The following CCBE1 variants were observed in gnomAD, a reference collection of about 807,000 sequenced individuals.
CCBE1 encodes collagen and calcium-binding EGF domain-containing protein 1.
A neutral mutation model predicts 50.0 loss-of-function variants in CCBE1; 37 were observed. The observed-to-expected ratio is 0.74, with a 90% CI of 0.57 to 0.97. The LOEUF (loss-of-function observed/expected upper bound fraction) is 0.97, where lower values mean the gene tolerates loss of function less well. Among genes scored for constraint, CCBE1 ranks in the 50% least tolerant of loss-of-function variants. The pLI is 0.00. For missense variants in CCBE1, 538 were observed against 523.8 expected (o/e 1.03, Z -0.26); for synonymous variants, 234 against 203.7 (o/e 1.15, Z -1.27).
chr18:59,578,963 G>T (rs1176409769), intron 2 of CCBE1, among the ~76,000 whole-genome samples: 1 of 152,054 alleles, frequency 6.6e-6, no homozygotes, highest in East Asian at 1.9e-4. Context: ...TTTTAAAAAA[G>T]ATACTTTTTA....
intron 2 of CCBE1, among the ~76,000 whole-genome samples, chr18:59,692,257 C>T (rs993796426): frequency 1.8e-4 from 28 of 152,118 alleles, no homozygotes; most frequent in African/African-American, 6.3e-4. Context: ...CATAGCACTT[C>T]CTATGTGTCG....
intron 2 of CCBE1, among the ~76,000 whole-genome samples, chr18:59,571,583 C>A (rs955565027): frequency 2.0e-5 from 3 of 152,026 alleles, no homozygotes; most frequent in Non-Finnish European, 4.4e-5. Flanking sequence ...ATGTAACAAA[C>A]CTGCACGTTG....
chr18:59,531,798 G>A (rs1241865368), intron 2 of CCBE1, among the ~76,000 whole-genome samples: 1 of 152,118 alleles, frequency 6.6e-6, no homozygotes, highest in Non-Finnish European at 1.5e-5. Flanking sequence ...TCACTCAACT[G>A]TAGGGGATTC....
intron 2 of CCBE1, among the ~76,000 whole-genome samples, chr18:59,680,517 T>G (rs1394514537): frequency 6.6e-6 from 1 of 151,636 alleles, no homozygotes; most frequent in Non-Finnish European, 1.5e-5. Flanking sequence ...GCTAACATGG[T>G]GAAACCCTGT....
chr18:59,516,307 G>A (rs897133799), intron 2 of CCBE1, among the ~76,000 whole-genome samples: 3 of 152,072 alleles, frequency 2.0e-5, no homozygotes, highest in African/African-American at 4.8e-5. Flanking sequence ...TGATGCCAAG[G>A]AAAGGGGACA....
At chr18:59,579,424 G>A (rs530398828) in intron 2 of CCBE1, among the ~76,000 whole-genome samples, 39 of 150,774 alleles carry the variant, frequency 2.6e-4, no homozygotes, top group African/African-American at 8.6e-4. Context: ...AGATTCCTAC[G>A]TCCCAGCCCC....
rs145644844 is a variant in CCBE1, at chr18:59,477,799, C to T, written c.265+2387G>A. Among the ~76,000 whole-genome samples the T allele has an allele frequency of 1.7e-4, 26 of 152,242 alleles. No individual in the cohort carries two copies. The East Asian group carries it at 4.4e-3, about 26-fold the overall frequency. On this transcript the variant is annotated intron_variant, in intron 3 of 10. Transcript: ENST00000439986. ...GCATAGTTGCAGCATGTCAGATGAACATACAACTTTGTTATTGCCTTTATC... is the reference window on the plus strand; with the variant it reads ...GCATAGTTGCAGCATGTCAGATGAATATACAACTTTGTTATTGCCTTTATC...
intron 2 of CCBE1, among the ~76,000 whole-genome samples, chr18:59,594,430 G>C (rs1455973210): frequency 6.6e-6 from 1 of 152,206 alleles, no homozygotes; most frequent in African/African-American, 2.4e-5. Flanking sequence ...AATGGGTACA[G>C]AGTTTCCGTT....
intron 2 of CCBE1, among the ~76,000 whole-genome samples, chr18:59,494,496 A>G (rs1283530527): frequency 6.7e-6 from 1 of 149,812 alleles, no homozygotes; most frequent in Non-Finnish European, 1.5e-5. Flanking sequence ...TAGAGATAAG[A>G]GCATGGAGTT....
chr18:59,480,131 C>T, intron 3 of CCBE1, 55 bp downstream of exon 3: 2 of 1,096,808 alleles, frequency 1.8e-6, no homozygotes, highest in South Asian at 2.5e-5. Context: ...AGTTGATAGA[C>T]TTTGAATGAT....
intron 2 of CCBE1, among the ~76,000 whole-genome samples, chr18:59,544,294 A>G (rs1159967835): frequency 6.6e-6 from 1 of 152,180 alleles, no homozygotes; most frequent in African/African-American, 2.4e-5. Context: ...ATGGAACCAT[A>G]AAGCAAAATA....
chr18:59,467,597 C>A (rs1911812611), intron 4 of CCBE1, among the ~76,000 whole-genome samples: 1 of 152,202 alleles, frequency 6.6e-6, no homozygotes, highest in Non-Finnish European at 1.5e-5. Context: ...CTATGCACAT[C>A]ATGGACTTGC....
intron 2 of CCBE1, among the ~76,000 whole-genome samples, chr18:59,632,691 G>A (rs183413797): frequency 1.1e-3 from 173 of 152,320 alleles, no homozygotes; most frequent in African/African-American, 4.0e-3. Flanking sequence ...CCAGGTTCAA[G>A]CTAGTCTCCT....
At position 59,430,961 on chromosome 18, in the gene CCBE1, A is replaced by G. The variant is rs1909928178; in HGVS notation, c.*4947T>C. The G allele has an allele frequency of 6.6e-6, 1 of 152,254 alleles. No individual in the cohort carries two copies. Among genetic ancestry groups the G allele is most frequent in the South Asian group, 2.1e-4 (1 of 4,836 alleles). 9.4% of individuals were successfully genotyped at this position (152,254 alleles called of 1,614,324 possible). A position where few individuals can be genotyped will look rare whatever the true frequency, so the allele number is the denominator to read the frequency against. On this transcript the variant is annotated 3_prime_UTR_variant, in exon 11 of 11. Transcript: ENST00000439986. Reference sequence around the variant, plus strand: ...ATGTAAGAAAAATAACTTTGTTATTAAGCATATACAATCATAACAAAAGTA... The same window carrying G: ...ATGTAAGAAAAATAACTTTGTTATTGAGCATATACAATCATAACAAAAGTA...
intron 2 of CCBE1, among the ~76,000 whole-genome samples, chr18:59,563,180 G>A (rs1248566246): frequency 2.0e-5 from 3 of 152,188 alleles, no homozygotes; most frequent in Non-Finnish European, 1.5e-5. Flanking sequence ...GGCATGGACT[G>A]AGCGAGAGAC....
chr18:59,516,678 GCTAA>G (rs1215067549), intron 2 of CCBE1, among the ~76,000 whole-genome samples: 4 of 152,174 alleles, frequency 2.6e-5, no homozygotes, highest in Non-Finnish European at 4.4e-5. Context: ...TTCCTGGCTT[GCTAA>G]CTAAGTTTCT....
chr18:59,667,483 A>C (rs975055351), intron 2 of CCBE1, among the ~76,000 whole-genome samples: 1 of 152,140 alleles, frequency 6.6e-6, no homozygotes, highest in African/African-American at 2.4e-5. Context: ...GGAAACTGCT[A>C]CCCCATCACC....
At chr18:59,480,125 G>C in intron 3 of CCBE1, 61 bp downstream of exon 3, 1 of 1,039,138 alleles carries the variant, frequency 9.6e-7, no homozygotes, top group Non-Finnish European at 1.5e-6. Flanking sequence ...ATCTGAAGTT[G>C]ATAGACTTTG....
chr18:59,522,616 A>G (rs1263414805), intron 2 of CCBE1, among the ~76,000 whole-genome samples: 1 of 152,186 alleles, frequency 6.6e-6, no homozygotes, highest in Non-Finnish European at 1.5e-5. Flanking sequence ...AACAGTAACA[A>G]ATACTGGAAT....
Sources: gnomAD v4.1 joint callset for allele counts (sites outside exome capture counted in the v4.1 genomes callset) on GRCh38, gnomAD v4.1.1 for gene constraint, MANE v1.5 for transcripts, NCBI Gene and HGNC (gene_info 2026-07-23, HGNC 2026-07-21) for gene names.